RNGTT: variants seen among roughly 807,000 people sequenced by gnomAD.
The protein encoded by RNGTT is mRNA-capping enzyme.
RNGTT carries 33 observed loss-of-function variants against 79.3 expected under a neutral mutation model. That is an observed-to-expected ratio of 0.42 (90% CI 0.32 to 0.56). The LOEUF is 0.56. Among genes scored for constraint, RNGTT ranks in the 20% least tolerant of loss-of-function variants. RNGTT has a pLI of 0.17. For synonymous variants in RNGTT, 222 were observed against 235.9 expected, an observed-to-expected ratio of 0.94 and a Z score of 0.54; for missense variants, 497 against 739.1, an observed-to-expected ratio of 0.67 and a Z score of 3.80.
chr6:88,937,788 T>C (rs917737643), intron 2 of RNGTT, among the ~76,000 whole-genome samples: 2 of 152,238 alleles, frequency 1.3e-5, no homozygotes, highest in Non-Finnish European at 2.9e-5. Flanking sequence ...CTTAATTTCT[T>C]CCTTGACCAA....
chr6:88,643,030 G>C (rs1248869480), intron 14 of RNGTT, among the ~76,000 whole-genome samples: 1 of 152,034 alleles, frequency 6.6e-6, no homozygotes, highest in Non-Finnish European at 1.5e-5. Flanking sequence ...ATCCTGCTTA[G>C]CCCACTGTAA....
At chr6:88,616,068 G>A (rs1264797007) in intron 14 of RNGTT, among the ~76,000 whole-genome samples, 1 of 152,102 alleles carries the variant, frequency 6.6e-6, no homozygotes, top group African/African-American at 2.4e-5. Context: ...GACTACTTTA[G>A]ATACTTCATA....
At chr6:88,685,539 G>C (rs6911492) in intron 13 of RNGTT, among the ~76,000 whole-genome samples, 54 of 151,678 alleles carry the variant, frequency 3.6e-4, no homozygotes, top group African/African-American at 9.4e-4. Context: ...AGGGGAGAAG[G>C]GGGGAGGATG....
chr6:88,698,268 T>C (rs1193057238), intron 13 of RNGTT, among the ~76,000 whole-genome samples: 1 of 119,610 alleles, frequency 8.4e-6, no homozygotes, highest in Admixed American at 8.7e-5. Context: ...TAAATATATA[T>C]GATATATATA....
chr6:88,851,394 A>G (rs1162189408), intron 9 of RNGTT, among the ~76,000 whole-genome samples: 1 of 151,824 alleles, frequency 6.6e-6, no homozygotes, highest in Non-Finnish European at 1.5e-5. Flanking sequence ...TTGATTGTTT[A>G]TTTTTTCTAA....
chr6:88,651,001 G>A (rs549812370), intron 14 of RNGTT, among the ~76,000 whole-genome samples: 1 of 152,096 alleles, frequency 6.6e-6, no homozygotes, highest in South Asian at 2.1e-4. Context: ...AGAATTCTCA[G>A]CTTTTGCTAT....
chr6:88,915,146 G>A (rs1783958311), intron 4 of RNGTT, among the ~76,000 whole-genome samples: 1 of 140,050 alleles, frequency 7.1e-6, no homozygotes, highest in African/African-American at 2.8e-5. Context: ...CAGAGAAAAG[G>A]GAATGCTTAT....
chr6:88,772,375 A>C (rs1421100266), intron 12 of RNGTT, among the ~76,000 whole-genome samples: 2 of 152,204 alleles, frequency 1.3e-5, no homozygotes, highest in Non-Finnish European at 2.9e-5. Flanking sequence ...GATTCAGTGC[A>C]ATCTCTAAGA....
chr6:88,729,745 G>A (rs983807688), intron 13 of RNGTT, among the ~76,000 whole-genome samples: 1 of 152,120 alleles, frequency 6.6e-6, no homozygotes, highest in Non-Finnish European at 1.5e-5. Context: ...AAAACTCAAT[G>A]TTATACCGTC....
chr6:88,776,717 G>GT (rs1460213701), intron 12 of RNGTT, among the ~76,000 whole-genome samples: 3 of 146,220 alleles, frequency 2.1e-5, no homozygotes, highest in Admixed American at 6.8e-5. Flanking sequence ...TTTTTGTTTT[G>GT]TTTTTTGCTA....
At chr6:88,697,351 A>G (rs945040688) in intron 13 of RNGTT, among the ~76,000 whole-genome samples, 2 of 151,956 alleles carry the variant, frequency 1.3e-5, no homozygotes, top group African/African-American at 4.8e-5. Flanking sequence ...GGAGATCAAG[A>G]CCATCCTGGC....
intron 11 of RNGTT, among the ~76,000 whole-genome samples, chr6:88,821,626 TAAAAG>T (rs913849671): frequency 2.6e-5 from 4 of 151,606 alleles, no homozygotes; most frequent in Non-Finnish European, 4.4e-5. Flanking sequence ...AAAAGCAAAA[TAAAAG>T]AAATTAATAT....
chr6:88,757,162 G>A (rs1440782957), intron 13 of RNGTT, among the ~76,000 whole-genome samples: 4 of 152,078 alleles, frequency 2.6e-5, no homozygotes, highest in Non-Finnish European at 4.4e-5. Flanking sequence ...TGCTATGTCC[G>A]AAAACCAGAG....
chr6:88,857,538 G>C (rs1416235450), intron 8 of RNGTT, among the ~76,000 whole-genome samples: 1 of 151,986 alleles, frequency 6.6e-6, no homozygotes, highest in Non-Finnish European at 1.5e-5. Context: ...AACAGTGAAA[G>C]GATAAAAACT....
At chr6:88,733,128 C>G (rs937994314) in intron 13 of RNGTT, among the ~76,000 whole-genome samples, 3 of 152,052 alleles carry the variant, frequency 2.0e-5, no homozygotes, top group Non-Finnish European at 4.4e-5. Flanking sequence ...GAAGGCCAAG[C>G]TGGGTGGGGA....
intron 13 of RNGTT, among the ~76,000 whole-genome samples, chr6:88,761,957 G>A (rs1472648420): frequency 1.3e-5 from 2 of 149,402 alleles, no homozygotes; most frequent in African/African-American, 4.9e-5. Flanking sequence ...TGGTACGGAT[G>A]TTCTTTCTTT....
intron 14 of RNGTT, among the ~76,000 whole-genome samples, chr6:88,647,241 AC>A (rs1773601276): frequency 6.6e-6 from 1 of 152,078 alleles, no homozygotes. Context: ...CAGAAGCTCG[AC>A]TTTTAGATTT....
In RNGTT at chr6:88,658,826, C is replaced by T. The variant is rs185158198; in HGVS notation, c.1506+19527G>A. 1.8e-3 allele frequency among the ~76,000 whole-genome samples: 276 copies of T among 152,358 alleles called. 3 individuals are homozygous for T. Among genetic ancestry groups the T allele is most frequent in the African/African-American group, 6.5e-3 (270 of 41,574 alleles). ...ATGCTTCCTGCCCTCAAACATCAGACTCCCAGATTCTTCAGCTTTTAGACT... is the reference window on the plus strand; with the variant it reads ...ATGCTTCCTGCCCTCAAACATCAGATTCCCAGATTCTTCAGCTTTTAGACT... On this transcript the variant is annotated intron_variant, in intron 14 of 15. Coordinates refer to ENST00000369485, the MANE Select transcript of RNGTT (RefSeq NM_003800.5).
At chr6:88,648,517 C>T (rs959229319) in intron 14 of RNGTT, among the ~76,000 whole-genome samples, 1 of 151,774 alleles carries the variant, frequency 6.6e-6, no homozygotes, top group Non-Finnish European at 1.5e-5. Flanking sequence ...CACCAATTTA[C>T]CTCTTCACAT....
Sources: allele counts gnomAD v4.1 joint callset (sites outside exome capture counted in the v4.1 genomes callset), GRCh38; gene constraint gnomAD v4.1.1; transcripts MANE v1.5; gene names NCBI Gene and HGNC (gene_info 2026-07-23, HGNC 2026-07-21).